Variants in MYO1D observed in about 807,000 individuals in gnomAD.
The protein encoded by MYO1D is myosin ID.
A neutral mutation model predicts 122.0 loss-of-function variants in MYO1D; 83 were observed. The ratio of observed to expected loss-of-function variants is 0.68; its 90% CI spans 0.57 to 0.82. MYO1D has a LOEUF of 0.82. Among genes scored for constraint, MYO1D ranks in the 40% least tolerant of loss-of-function variants. MYO1D has a pLI of 0.00. For missense variants in MYO1D, 1,157 were observed against 1,269.5 expected (o/e 0.91, Z 1.35); for synonymous variants, 464 against 446.9 (o/e 1.04, Z -0.48).
chr17:32,594,271 T>A (rs1033006617), intron 21 of MYO1D: 1 of 306,350 alleles, frequency 3.3e-6, no homozygotes, highest in Admixed American at 5.0e-5. Flanking sequence ...TTATTTTGTA[T>A]ATTGCTAAGA....
chr17:32,599,465 G>A (rs1162993568), intron 21 of MYO1D, among the ~76,000 whole-genome samples: 1 of 152,130 alleles, frequency 6.6e-6, no homozygotes, highest in Non-Finnish European at 1.5e-5. Context: ...AGCCATCCAT[G>A]AGAGTTGGAA....
chr17:32,628,751 G>A (rs2150931595), intron 20 of MYO1D, among the ~76,000 whole-genome samples: 1 of 152,326 alleles, frequency 6.6e-6, no homozygotes, highest in South Asian at 2.1e-4. Context: ...AAATACTGAT[G>A]AGGATGGGAA....
At chr17:32,822,137 A>G (rs2090671452) in intron 1 of MYO1D, among the ~76,000 whole-genome samples, 1 of 53,746 alleles carries the variant, frequency 1.9e-5, no homozygotes, top group African/African-American at 5.4e-5. Context: ...ATGTCCAACA[A>G]TGATAGACTG....
At chr17:32,808,061 A>G (rs2151048125) in intron 1 of MYO1D, among the ~76,000 whole-genome samples, 1 of 152,254 alleles carries the variant, frequency 6.6e-6, no homozygotes, top group East Asian at 1.9e-4. Context: ...TAACCCAAAC[A>G]AGCATTTCTG....
At chr17:32,870,745 G>A (rs1358180690) in intron 1 of MYO1D, among the ~76,000 whole-genome samples, 1 of 151,744 alleles carries the variant, frequency 6.6e-6, no homozygotes, top group Non-Finnish European at 1.5e-5. Flanking sequence ...AACGCAAAAG[G>A]ATTAAAGGTA....
chr17:32,663,214 G>C (rs949772375), intron 16 of MYO1D, among the ~76,000 whole-genome samples: 15 of 152,106 alleles, frequency 9.9e-5, no homozygotes, highest in Non-Finnish European at 2.1e-4. Flanking sequence ...ACCGCACCCG[G>C]CAATTGTGCT....
intron 20 of MYO1D, among the ~76,000 whole-genome samples, chr17:32,613,735 C>T (rs1299953450): frequency 7.3e-6 from 1 of 137,388 alleles, no homozygotes; most frequent in Non-Finnish European, 1.5e-5. Flanking sequence ...AATAGTGCCA[C>T]TGCACTCCAG....
chr17:32,861,634 C>T (rs2091078409), intron 1 of MYO1D, among the ~76,000 whole-genome samples: 1 of 152,174 alleles, frequency 6.6e-6, no homozygotes, highest in South Asian at 2.1e-4. Context: ...AGTGCTCCAT[C>T]TTCACCTGCC....
chr17:32,681,230 GT>G (rs1450268860), intron 16 of MYO1D, among the ~76,000 whole-genome samples: 1 of 151,706 alleles, frequency 6.6e-6, no homozygotes, highest in Non-Finnish European at 1.5e-5. Flanking sequence ...TTTTCGAAGG[GT>G]TTTTTATGTC....
At chr17:32,659,444 G>A in intron 16 of MYO1D, 106 bp from the exon 17 acceptor site, 1 of 1,143,474 alleles carries the variant, frequency 8.7e-7, no homozygotes, top group South Asian at 1.4e-5. Flanking sequence ...CAGGCAACTT[G>A]CAAGTGTGCA....
At chr17:32,691,338 T>C (rs1043153173) in intron 16 of MYO1D, among the ~76,000 whole-genome samples, 4 of 150,970 alleles carry the variant, frequency 2.6e-5, no homozygotes, top group Admixed American at 1.3e-4. Context: ...TCATCTCCAC[T>C]AACTTCTTAA....
At chr17:32,793,880 TGA>T (rs1290821919) in intron 1 of MYO1D, among the ~76,000 whole-genome samples, 4 of 152,320 alleles carry the variant, frequency 2.6e-5, no homozygotes, top group African/African-American at 9.6e-5. Flanking sequence ...TTACAAGAAG[TGA>T]GATACTCTGC....
intron 1 of MYO1D, among the ~76,000 whole-genome samples, chr17:32,806,203 A>C (rs532258944): frequency 1.3e-5 from 2 of 152,316 alleles, no homozygotes; most frequent in South Asian, 4.1e-4. Context: ...GGTTGCAGTG[A>C]GCCAAGATCA....
At chr17:32,779,028 G>A (rs2090208794) in intron 2 of MYO1D, among the ~76,000 whole-genome samples, 1 of 152,096 alleles carries the variant, frequency 6.6e-6, no homozygotes, top group South Asian at 2.1e-4. Context: ...ATTAAGGTTA[G>A]AGTAATTTTA....
intron 21 of MYO1D, among the ~76,000 whole-genome samples, chr17:32,552,536 C>T (rs1234975537): frequency 3.9e-5 from 6 of 151,978 alleles, no homozygotes; most frequent in Admixed American, 3.9e-4. Flanking sequence ...TTTTGCCCTC[C>T]TTCCTTTTAT....
At chr17:32,723,398 T>C (rs1239686412) in intron 14 of MYO1D, among the ~76,000 whole-genome samples, 1 of 152,152 alleles carries the variant, frequency 6.6e-6, no homozygotes, top group Non-Finnish European at 1.5e-5. Context: ...TTAGCTGATG[T>C]TAGAGAGTTG....
chr17:32,810,040 A>G (rs1353207119), intron 1 of MYO1D, among the ~76,000 whole-genome samples: 1 of 152,194 alleles, frequency 6.6e-6, no homozygotes, highest in Non-Finnish European at 1.5e-5. Flanking sequence ...AGTGGCATGC[A>G]GGTGACCTTG....
At chr17:32,515,603 T>C (rs773728315) in intron 21 of MYO1D, among the ~76,000 whole-genome samples, 6 of 152,204 alleles carry the variant, frequency 3.9e-5, no homozygotes, top group Non-Finnish European at 8.8e-5. Flanking sequence ...TAAATCCCAT[T>C]TTTAAGGACA....
At chr17:32,554,989 G>A (rs1025919760) in intron 21 of MYO1D, among the ~76,000 whole-genome samples, 3 of 152,032 alleles carry the variant, frequency 2.0e-5, no homozygotes, top group Admixed American at 6.5e-5. Flanking sequence ...AAAAATGTAC[G>A]AAAAGCCTTA....
Sources: allele counts gnomAD v4.1 joint callset (sites outside exome capture counted in the v4.1 genomes callset), GRCh38; gene constraint gnomAD v4.1.1; transcripts MANE v1.5; gene names NCBI Gene and HGNC (gene_info 2026-07-23, HGNC 2026-07-21).